Variants in ARMH3 observed in about 807,000 individuals in gnomAD.
ARMH3 encodes armadillo like helical domain containing 3, also known as armadillo-like helical domain-containing protein 3.
In ARMH3, 60 loss-of-function variants were observed where a neutral mutation model predicts 99.1. The ratio of observed to expected loss-of-function variants is 0.61; its 90% confidence interval spans 0.49 to 0.75. The LOEUF (loss-of-function observed/expected upper bound fraction) is 0.75, where lower values mean the gene tolerates loss of function less well. ARMH3 is among the 30% of genes least tolerant of loss of function. The pLI, the probability that ARMH3 is intolerant of heterozygous loss-of-function variation, is 0.00. For synonymous variants in ARMH3, 285 were observed against 292.8 expected (o/e 0.97, Z 0.27); for missense variants, 679 against 843.1 (o/e 0.81, Z 2.41).
At chr10:101,856,666 A>G (rs1280569784) in intron 24 of ARMH3, among the ~76,000 whole-genome samples, 1 of 152,212 alleles carries the variant, frequency 6.6e-6, no homozygotes, top group African/African-American at 2.4e-5. Context: ...TTTTCATAAT[A>G]ATTTCCATCT....
intron 24 of ARMH3, among the ~76,000 whole-genome samples, chr10:101,857,444 C>T (rs566397469): frequency 2.0e-5 from 3 of 150,374 alleles, no homozygotes; most frequent in Non-Finnish European, 4.4e-5. Context: ...GACTCCACTT[C>T]AAAAAAAAAT....
chr10:102,041,057 C>A (rs1377338751), intron 1 of ARMH3, among the ~76,000 whole-genome samples: 1 of 138,428 alleles, frequency 7.2e-6, no homozygotes, highest in Non-Finnish European at 1.6e-5. Context: ...ATACTACTTT[C>A]AAATTTAATT....
intron 22 of ARMH3, among the ~76,000 whole-genome samples, chr10:101,950,964 A>AT (rs1844756526): frequency 6.6e-6 from 1 of 152,234 alleles, no homozygotes. Flanking sequence ...ATTATATCTC[A>AT]TAAAGCTGTC....
chr10:101,959,937 G>C (rs1181751158), intron 20 of ARMH3, among the ~76,000 whole-genome samples: 1 of 152,164 alleles, frequency 6.6e-6, no homozygotes, highest in Admixed American at 6.5e-5. Context: ...TAGCACTTTG[G>C]GAGGCTAAGG....
intron 17 of ARMH3, among the ~76,000 whole-genome samples, chr10:101,993,284 A>G (rs1354322996): frequency 2.0e-4 from 21 of 107,024 alleles, no homozygotes; most frequent in Admixed American, 1.7e-3. Context: ...CCCTCAAAAA[A>G]AGAAAAAAAA....
chr10:102,053,934 T>A (rs1232023383), intron 1 of ARMH3, among the ~76,000 whole-genome samples: 1 of 152,198 alleles, frequency 6.6e-6, no homozygotes, highest in East Asian at 1.9e-4. Context: ...ACATAGTAAG[T>A]GCTCAATAAA....
chr10:101,895,137 ATAGTCTTTTCAACAAATGG>A (rs2067792622), intron 23 of ARMH3, among the ~76,000 whole-genome samples: 7 of 152,182 alleles, frequency 4.6e-5, no homozygotes, highest in Admixed American at 4.6e-4. Context: ...TAGGGAAAAA[ATAGTCTTTTCAACAAATGG>A]TACTGGGACA....
intron 19 of ARMH3, among the ~76,000 whole-genome samples, chr10:101,980,537 G>A (rs938347887): frequency 1.3e-5 from 2 of 151,970 alleles, no homozygotes; most frequent in Admixed American, 6.6e-5. Context: ...AACGTCAGGC[G>A]GTCCGCCCAC....
chr10:101,933,324 G>C (rs1278838923), intron 23 of ARMH3, among the ~76,000 whole-genome samples: 3 of 152,170 alleles, frequency 2.0e-5, no homozygotes, highest in African/African-American at 7.2e-5. Flanking sequence ...AGATGCTAAA[G>C]TCACACTCAT....
At chr10:101,953,633 T>C (rs1254585412) in intron 22 of ARMH3, among the ~76,000 whole-genome samples, 2 of 150,502 alleles carry the variant, frequency 1.3e-5, no homozygotes, top group Non-Finnish European at 2.9e-5. Context: ...CAGGAAAAGA[T>C]GCTCAACATC....
intron 20 of ARMH3, among the ~76,000 whole-genome samples, chr10:101,961,125 T>C (rs1330580006): frequency 2.0e-5 from 3 of 152,156 alleles, no homozygotes; most frequent in African/African-American, 7.2e-5. Flanking sequence ...AAAGTACAAG[T>C]ATTTAATACC....
chr10:101,947,176 G>A (rs773830557), intron 22 of ARMH3, among the ~76,000 whole-genome samples: 2 of 151,568 alleles, frequency 1.3e-5, no homozygotes, highest in Non-Finnish European at 1.5e-5. Context: ...GACAGAGCGA[G>A]ACTCTGTCTC....
At chr10:101,973,189 T>G (rs1327348539) in intron 20 of ARMH3, among the ~76,000 whole-genome samples, 3 of 150,988 alleles carry the variant, frequency 2.0e-5, no homozygotes, top group Non-Finnish European at 4.4e-5. Flanking sequence ...TGAAACTCCG[T>G]CTCTACTAAA....
intron 20 of ARMH3, among the ~76,000 whole-genome samples, chr10:101,966,363 G>A (rs1845545298): frequency 7.5e-6 from 1 of 133,470 alleles, no homozygotes; most frequent in Non-Finnish European, 1.5e-5. Flanking sequence ...TGCAACCTCT[G>A]CCTCCCGGGT....
rs183215141 is a variant in ARMH3, at chr10:102,052,104, C to T, written c.-12+3981G>A. On this transcript the variant is annotated intron_variant, in intron 1 of 25. Transcript: ENST00000370033. Reference sequence around the variant, plus strand: ...TGCTCCAGCCCTGAACTTATTCAAACGGCACACTGTCACTCATATCTTCTC... The same window carrying T: ...TGCTCCAGCCCTGAACTTATTCAAATGGCACACTGTCACTCATATCTTCTC... Among the ~76,000 whole-genome samples, 17 of 152,260 alleles carry T rather than the reference C, an allele frequency of 1.1e-4. No homozygotes were observed. In the South Asian group the frequency reaches 1.2e-3, roughly 11 times the overall value.
intron 23 of ARMH3, among the ~76,000 whole-genome samples, chr10:101,933,656 T>C (rs1472909638): frequency 5.9e-5 from 9 of 152,322 alleles, no homozygotes; most frequent in Non-Finnish European, 1.2e-4. Context: ...ATCTGCATAA[T>C]GCTTTTCATT....
At chr10:101,962,808 C>T (rs972645993) in intron 20 of ARMH3, among the ~76,000 whole-genome samples, 1 of 152,104 alleles carries the variant, frequency 6.6e-6, no homozygotes, top group African/African-American at 2.4e-5. Context: ...ACCCAAACTT[C>T]AATTTGAAAA....
chr10:102,052,112 T>C (rs993208486), intron 1 of ARMH3, among the ~76,000 whole-genome samples: 1 of 152,122 alleles, frequency 6.6e-6, no homozygotes. Context: ...AACGGCACAC[T>C]GTCACTCATA....
At chr10:101,907,548 A>AT (rs993516378) in intron 23 of ARMH3, among the ~76,000 whole-genome samples, 1 of 151,834 alleles carries the variant, frequency 6.6e-6, no homozygotes, top group Admixed American at 6.6e-5. Flanking sequence ...CACCCAGCTC[A>AT]TTTTTTTGTA....
Sources: gnomAD v4.1 joint callset for allele counts (sites outside exome capture counted in the v4.1 genomes callset) on GRCh38, gnomAD v4.1.1 for gene constraint, MANE v1.5 for transcripts, NCBI Gene and HGNC (gene_info 2026-07-23, HGNC 2026-07-21) for gene names.